The following TRAPPC9 variants were observed in gnomAD, a reference collection of about 807,000 sequenced individuals.
The protein encoded by TRAPPC9 is trafficking protein particle complex subunit 9.
TRAPPC9 carries 83 observed loss-of-function variants against 124.0 expected under a neutral mutation model. The ratio of observed to expected loss-of-function variants is 0.67; its 90% CI spans 0.56 to 0.80. TRAPPC9 has a LOEUF of 0.80. Among genes scored for constraint, TRAPPC9 ranks in the 30% least tolerant of loss-of-function variants. The probability of loss-of-function intolerance (pLI) is 0.00; values close to 1 mark genes in which losing one functional copy is unlikely to be tolerated. For missense variants in TRAPPC9, 1,302 were observed against 1,508.3 expected, an observed-to-expected ratio of 0.86 and a Z score of 2.27; for synonymous variants, 638 against 617.5, an observed-to-expected ratio of 1.03 and a Z score of -0.49.
At chr8:140,127,426 G>A (rs555962041) in intron 17 of TRAPPC9, among the ~76,000 whole-genome samples, 5 of 152,262 alleles carry the variant, frequency 3.3e-5, no homozygotes, top group South Asian at 4.1e-4. Flanking sequence ...CCTATAAAAC[G>A]CATTATCATA....
intron 21 of TRAPPC9, among the ~76,000 whole-genome samples, chr8:139,835,775 A>C (rs545836479): frequency 1.7e-4 from 26 of 150,684 alleles, no homozygotes; most frequent in East Asian, 7.8e-4. Context: ...TAAAAAACAA[A>C]AAAAAAAAAA....
intron 9 of TRAPPC9, among the ~76,000 whole-genome samples, chr8:140,356,410 G>C (rs1353372044): frequency 1.3e-5 from 2 of 152,172 alleles, no homozygotes; most frequent in African/African-American, 4.8e-5. Flanking sequence ...GCCTGACACA[G>C]AAGAGTGGAA....
chr8:140,458,458 G>A (rs752814545), upstream of TRAPPC9: 1 of 1,573,714 alleles, frequency 6.4e-7, no homozygotes, highest in Non-Finnish European at 8.6e-7. Context: ...CGCGGCCTGG[G>A]AGCGCCTCCA....
intron 17 of TRAPPC9, among the ~76,000 whole-genome samples, chr8:140,139,181 A>G (rs2061346685): frequency 6.6e-6 from 1 of 152,194 alleles, no homozygotes; most frequent in African/African-American, 2.4e-5. Context: ...GGGGACAGCA[A>G]GTCAGGGAAT....
At chr8:140,426,404 C>T (rs1475864075) in intron 5 of TRAPPC9, among the ~76,000 whole-genome samples, 5 of 152,202 alleles carry the variant, frequency 3.3e-5, no homozygotes, top group African/African-American at 1.2e-4. Context: ...GAAGAAGCCT[C>T]CTCTTCAACA....
At chr8:140,069,599 A>G (rs1211125881) in intron 17 of TRAPPC9, among the ~76,000 whole-genome samples, 1 of 152,202 alleles carries the variant, frequency 6.6e-6, no homozygotes, top group Non-Finnish European at 1.5e-5. Flanking sequence ...CCCACAATAC[A>G]GCATCACTTA....
chr8:140,439,164 C>T lies in TRAPPC9; in HGVS notation c.618G>A (p.Arg206=), dbSNP rs1182095825. 2.5e-6 allele frequency: 4 copies of T among 1,614,218 alleles called. No homozygotes were observed. The highest frequency in any genetic ancestry group is 3.4e-6 in the Non-Finnish European group (4 of 1,180,032). ...GCAGGCACAGGTCCCCCACGTGCTT[C>T]CGCATGCGGCCTTGGCACCGCTTCT... ...HYKKRCQGRM[R]KHVGDLCLQA... The change falls in exon 3 of 23, where the codon CGG becomes CGA. Residue 206 remains arginine (R), a synonymous_variant. Coordinates refer to ENST00000438773, the MANE Select transcript of TRAPPC9 (RefSeq NM_001160372.4).
intron 17 of TRAPPC9, among the ~76,000 whole-genome samples, chr8:140,034,639 C>G (rs1840760092): frequency 6.6e-6 from 1 of 152,242 alleles, no homozygotes; most frequent in African/African-American, 2.4e-5. Context: ...ATCTTCACAA[C>G]AAATCTCAGA....
intron 19 of TRAPPC9, among the ~76,000 whole-genome samples, chr8:139,929,446 A>C (rs972171612): frequency 1.3e-5 from 2 of 152,078 alleles, no homozygotes; most frequent in Non-Finnish European, 2.9e-5. Flanking sequence ...ATAAAAAAAA[A>C]GGGAGGGGGC....
intron 17 of TRAPPC9, among the ~76,000 whole-genome samples, chr8:140,049,475 G>A (rs766960693): frequency 3.9e-5 from 6 of 152,090 alleles, no homozygotes; most frequent in Admixed American, 6.5e-5. Context: ...TGGACACTGC[G>A]GGAAGAGCCG....
intron 18 of TRAPPC9, among the ~76,000 whole-genome samples, chr8:140,023,635 G>A (rs1051601030): frequency 2.0e-5 from 3 of 152,202 alleles, no homozygotes; most frequent in African/African-American, 7.2e-5. Context: ...AGCCAGGCCA[G>A]GCTGGGCGGG....
intron 17 of TRAPPC9, among the ~76,000 whole-genome samples, chr8:140,171,877 C>T (rs752707568): frequency 6.6e-6 from 1 of 152,128 alleles, no homozygotes. Context: ...CAGGAATCAC[C>T]GAGGGTGCTA....
chr8:140,160,212 T>C (rs2061721706), intron 17 of TRAPPC9, among the ~76,000 whole-genome samples: 1 of 152,192 alleles, frequency 6.6e-6, no homozygotes, highest in African/African-American at 2.4e-5. Flanking sequence ...TGTAAATTAG[T>C]TCAACCATTG....
intron 21 of TRAPPC9, among the ~76,000 whole-genome samples, chr8:139,765,522 T>A (rs1820525447): frequency 1.3e-5 from 2 of 152,036 alleles, no homozygotes; most frequent in East Asian, 3.8e-4. Flanking sequence ...GCAAGAGGAT[T>A]AGAGTTAAGG....
At chr8:140,009,022 C>T (rs1838945989) in intron 18 of TRAPPC9, among the ~76,000 whole-genome samples, 1 of 152,104 alleles carries the variant, frequency 6.6e-6, no homozygotes, top group Admixed American at 6.5e-5. Context: ...AATCTAAAAA[C>T]TGTTTCTATT....
chr8:140,086,591 T>C (rs1844199391), intron 17 of TRAPPC9, among the ~76,000 whole-genome samples: 2 of 152,240 alleles, frequency 1.3e-5, no homozygotes, highest in Admixed American at 6.5e-5. Context: ...TCCTTGTCAG[T>C]GCACACAATC....
intron 19 of TRAPPC9, among the ~76,000 whole-genome samples, chr8:139,926,338 A>G (rs1832815591): frequency 6.6e-6 from 1 of 152,152 alleles, no homozygotes; most frequent in South Asian, 2.1e-4. Context: ...CACAGTCTGC[A>G]AAAAATAACA....
chr8:140,102,839 G>C (rs1052918434), intron 17 of TRAPPC9, among the ~76,000 whole-genome samples: 1 of 152,192 alleles, frequency 6.6e-6, no homozygotes, highest in African/African-American at 2.4e-5. Flanking sequence ...TTCAAGTCCT[G>C]CCTCTCACTC....
At chr8:140,195,594 G>A (rs1378010584) in intron 17 of TRAPPC9, among the ~76,000 whole-genome samples, 2 of 148,784 alleles carry the variant, frequency 1.3e-5, no homozygotes, top group African/African-American at 5.0e-5. Context: ...TCACACCTGT[G>A]ACACTAAAAC....
Sources: allele counts gnomAD v4.1 joint callset (sites outside exome capture counted in the v4.1 genomes callset), GRCh38; gene constraint gnomAD v4.1.1; transcripts MANE v1.5; gene names NCBI Gene and HGNC (gene_info 2026-07-23, HGNC 2026-07-21).